Variants in RNF220 observed in about 807,000 individuals in gnomAD.
RNF220 encodes ring finger protein 220, also known as E3 ubiquitin-protein ligase RNF220.
Under a neutral mutation model 67.1 loss-of-function variants are expected in RNF220, and 7 were observed. That is an observed-to-expected ratio of 0.10 (90% CI 0.06 to 0.20). The LOEUF is 0.20. RNF220 is among the 10% of genes least tolerant of loss of function. The pLI, the probability that RNF220 is intolerant of heterozygous loss-of-function variation, is 1.00. For synonymous variants in RNF220, 270 were observed against 283.2 expected (o/e 0.95, Z 0.47); for missense variants, 565 against 740.3 (o/e 0.76, Z 2.75).
At chr1:44,552,139 G>C (rs551718407) in intron 2 of RNF220, among the ~76,000 whole-genome samples, 1 of 152,332 alleles carries the variant, frequency 6.6e-6, no homozygotes. Flanking sequence ...AGGCTCCGCA[G>C]CAGGCTCAGA....
intron 2 of RNF220, among the ~76,000 whole-genome samples, chr1:44,476,981 G>A (rs1480837648): frequency 6.6e-6 from 1 of 152,168 alleles, no homozygotes; most frequent in Non-Finnish European, 1.5e-5. Flanking sequence ...TGGCCAAATT[G>A]GTTGGTTAAG....
chr1:44,412,162 C>A lies in RNF220; in HGVS notation c.65C>A (p.Ser22Tyr). 6.2e-7 allele frequency: 1 copy of A among 1,614,198 alleles called. No individual in the cohort carries two copies. The highest frequency in any genetic ancestry group is 8.5e-7 in the Non-Finnish European group (1 of 1,180,038). ...TCCTACCTTCCCAACCCTCTGGCAT[C>A]CCCAGCACTGATGGTCCTGGCATCC... ...NSSYLPNPLASPALMVLASTA... is the reference protein window; with the variant it reads ...NSSYLPNPLAYPALMVLASTA... The change falls in exon 2 of 15, where the codon TCC (serine) becomes TAC (tyrosine). Residue 22 changes from serine (S) to tyrosine (Y), a missense_variant. By Grantham distance (144) the Ser-to-Tyr change is moderately radical. Coordinates refer to ENST00000361799, the MANE Select transcript of RNF220 (RefSeq NM_018150.4). This position sits in a 1 kb window ranked among gnomAD's most constrained non-coding sequence, Gnocchi z 5.3.
chr1:44,581,109 G>A (rs1178186590), intron 2 of RNF220, among the ~76,000 whole-genome samples: 1 of 152,240 alleles, frequency 6.6e-6, no homozygotes, highest in Non-Finnish European at 1.5e-5. Flanking sequence ...CCTGTCTGGT[G>A]CTGATCGGGG....
At chr1:44,590,135 T>A (rs1349273129) in intron 2 of RNF220, among the ~76,000 whole-genome samples, 1 of 152,204 alleles carries the variant, frequency 6.6e-6, no homozygotes, top group Non-Finnish European at 1.5e-5. Context: ...TTTTCTGTGA[T>A]GATCCCTGAG....
At chr1:44,522,261 A>C (rs1422020277) in intron 2 of RNF220, among the ~76,000 whole-genome samples, 1 of 152,202 alleles carries the variant, frequency 6.6e-6, no homozygotes, top group Non-Finnish European at 1.5e-5. Context: ...TCGCGTGTTC[A>C]CTGAATTGGA....
chr1:44,447,380 T>A (rs1406015689), intron 2 of RNF220, among the ~76,000 whole-genome samples: 2 of 152,226 alleles, frequency 1.3e-5, no homozygotes, highest in African/African-American at 4.8e-5. Flanking sequence ...AGATAGTACC[T>A]ACCCCCTAAA....
At chr1:44,546,493 AGCCT>A (rs985007197) in intron 2 of RNF220, among the ~76,000 whole-genome samples, 3 of 152,166 alleles carry the variant, frequency 2.0e-5, no homozygotes, top group Admixed American at 6.5e-5. Flanking sequence ...GCGGGTCCCC[AGCCT>A]GATTGAATTT....
intron 2 of RNF220, among the ~76,000 whole-genome samples, chr1:44,562,648 T>TG (rs1663666187): frequency 6.6e-6 from 1 of 152,118 alleles, no homozygotes; most frequent in South Asian, 2.1e-4. Context: ...AAGTCGGGGT[T>TG]GGGGGGTTGG....
chr1:44,469,755 C>T (rs867902152), intron 2 of RNF220, among the ~76,000 whole-genome samples: 24 of 152,082 alleles, frequency 1.6e-4, no homozygotes, highest in African/African-American at 5.8e-4. Flanking sequence ...CAAAGTTGAA[C>T]TGATTAGGAT....
chr1:44,631,809 T>G, intron 5 of RNF220: 8 of 690,768 alleles, frequency 1.2e-5, no homozygotes, highest in Non-Finnish European at 1.4e-5. Context: ...CCGCTAAAGA[T>G]TGGGTGGGTA....
chr1:44,556,914 G>A (rs370845450), intron 2 of RNF220, among the ~76,000 whole-genome samples: 5 of 151,740 alleles, frequency 3.3e-5, no homozygotes, highest in Non-Finnish European at 7.4e-5. Flanking sequence ...GCTAGACAGG[G>A]AGGGGAACCC....
intron 2 of RNF220, among the ~76,000 whole-genome samples, chr1:44,560,026 T>A (rs373257643): frequency 1.2e-4 from 18 of 152,318 alleles, no homozygotes; most frequent in South Asian, 2.1e-4. Flanking sequence ...CTCTGGCTTC[T>A]GTCCTCAGTG....
At chr1:44,585,145 C>A (rs918443713) in intron 2 of RNF220, among the ~76,000 whole-genome samples, 1 of 152,216 alleles carries the variant, frequency 6.6e-6, no homozygotes, top group African/African-American at 2.4e-5. Context: ...CGTCTCCTGA[C>A]TCCCCAGGCC....
chr1:44,572,864 T>C lies in RNF220; in HGVS notation c.626-41301T>C, dbSNP rs530078187. On this transcript the variant is annotated intron_variant, in intron 2 of 14. Coordinates refer to ENST00000361799, the MANE Select transcript of RNF220 (RefSeq NM_018150.4). ...CTATAATTTTGCACCATTACTCTAC[T>C]TGGGGAGAGATACCCATGAGGAAGG... is the stretch of plus-strand genomic sequence containing the variant. 6.2e-5 allele frequency: 12 copies of C among 193,098 alleles called. No homozygotes were observed. The South Asian group carries it at 8.6e-4, about 14-fold the overall frequency. 12.0% of individuals were successfully genotyped at this position (193,098 alleles called of 1,614,324 possible). A position where few individuals can be genotyped will look rare whatever the true frequency, so the allele number is the denominator to read the frequency against.
chr1:44,636,267 C>A, intron 8 of RNF220, 105 bp downstream of exon 8: 1 of 1,461,824 alleles, frequency 6.8e-7, no homozygotes, highest in Non-Finnish European at 9.5e-7. Flanking sequence ...GGTCATCCAT[C>A]CGTTCCACCA....
intron 2 of RNF220, among the ~76,000 whole-genome samples, chr1:44,556,360 G>A (rs1037092212): frequency 1.3e-5 from 2 of 150,590 alleles, no homozygotes; most frequent in Admixed American, 1.3e-4. Flanking sequence ...GAAAGGTAGT[G>A]TATTTCCTTA....
chr1:44,522,482 A>G (rs1660016136), intron 2 of RNF220, among the ~76,000 whole-genome samples: 1 of 152,214 alleles, frequency 6.6e-6, no homozygotes, highest in Non-Finnish European at 1.5e-5. Context: ...GAAGGGGGTA[A>G]AAGTCGAACT....
rs1648099481 is a variant in RNF220 at position 44,412,765 on chromosome 1, C to T, written c.625+43C>T. 1.9e-6 allele frequency: 3 copies of T among 1,578,626 alleles called. No individual in the cohort carries two copies. Among genetic ancestry groups the T allele is most frequent in the African/African-American group, 1.3e-5 (1 of 74,102 alleles). Reference sequence around the variant, plus strand: ...AGCCCTCCCTTACCCCCAGTAAGCCCTGCCTCACCGTGATGTTCAACAGGT... The same window carrying T: ...AGCCCTCCCTTACCCCCAGTAAGCCTTGCCTCACCGTGATGTTCAACAGGT... On this transcript the variant is annotated intron_variant, in intron 2 of 14. Coordinates refer to ENST00000361799, the MANE Select transcript of RNF220 (RefSeq NM_018150.4). The surrounding 1 kb of genome is among the most constrained non-coding windows in gnomAD (Gnocchi z 5.3).
chr1:44,618,843 G>C (rs552490169), intron 3 of RNF220, among the ~76,000 whole-genome samples: 2 of 152,246 alleles, frequency 1.3e-5, no homozygotes, highest in South Asian at 4.1e-4. Context: ...TGCAGAAGAG[G>C]GAATGACGAC....
Sources: gnomAD v4.1 joint callset for allele counts (sites outside exome capture counted in the v4.1 genomes callset) on GRCh38, gnomAD v4.1.1 for gene constraint, Gnocchi (gnomAD v3.1) non-coding constraint, MANE v1.5 for transcripts, NCBI Gene and HGNC (gene_info 2026-07-23, HGNC 2026-07-21) for gene names.